Variants in PCDH7 observed in about 807,000 individuals in gnomAD.
PCDH7 encodes the protein protocadherin 7.
Under a neutral mutation model 58.9 loss-of-function variants are expected in PCDH7, and 17 were observed. That is an observed-to-expected ratio of 0.29 (90% CI 0.20 to 0.43). The LOEUF (loss-of-function observed/expected upper bound fraction) is 0.43, where lower values mean the gene tolerates loss of function less well. Among genes scored for constraint, PCDH7 ranks in the 20% least tolerant of loss-of-function variants. The probability of loss-of-function intolerance (pLI) is 1.00; values close to 1 mark genes in which losing one functional copy is unlikely to be tolerated. For synonymous variants in PCDH7, 664 were observed against 616.4 expected, an observed-to-expected ratio of 1.08 and a Z score of -1.14; for missense variants, 1,274 against 1,441.0, an observed-to-expected ratio of 0.88 and a Z score of 1.88.
chr4:30,723,090 G>C lies in PCDH7; in HGVS notation c.1668G>C (p.Thr556=), dbSNP rs1713967431. The change falls in exon 1 of 2, where the codon ACG becomes ACC. Residue 556 remains threonine (T), a synonymous_variant. Coordinates refer to ENST00000361762, the Ensembl canonical transcript of PCDH7. This position sits in a 1 kb window ranked among gnomAD's most constrained non-coding sequence, Gnocchi z 4.6. ...ACATCCCGGGCGAGAGGGTGGCCAC[G>C]GTGCTGGCGACAGACGCAGACAGCG... 1 of 1,613,916 alleles carries C rather than the reference G, an allele frequency of 6.2e-7. No individual in the cohort carries two copies. Among genetic ancestry groups the C allele is most frequent in the South Asian group, 1.1e-5 (1 of 91,088 alleles).
intron 3 of PCDH7, among the ~76,000 whole-genome samples, chr4:31,069,868 C>CCTTTGATGG (rs879870496): frequency 6.6e-6 from 1 of 151,228 alleles, no homozygotes; most frequent in Admixed American, 6.6e-5. Flanking sequence ...CTCAAATTTT[C>CCTTTGATGG]TCCACTTGAT....
At position 31,068,816 on chromosome 4, in the gene PCDH7, A is replaced by G. The variant is rs142468185; in HGVS notation, c.*8-73657A>G. Among the ~76,000 whole-genome samples the G allele has an allele frequency of 2.6e-3, 402 of 152,032 alleles. 2 individuals carry two copies. Among genetic ancestry groups the G allele is most frequent in the Middle Eastern group, 3.4e-3 (1 of 294 alleles). On this transcript the variant is annotated intron_variant, in intron 3 of 3. Transcript: ENST00000509759. The stretch of plus-strand genomic sequence containing the variant: ...TAGCTTCTGAATTTTTGTTCCAGGG[A>G]TAGATTATAAATAGGATGAACAGTG...
exon 2 of PCDH7, chr4:30,730,872 C>T (rs1446372817): frequency 1.1e-5 from 16 of 1,474,252 alleles, no homozygotes; most frequent in African/African-American, 1.0e-4. Context: ...TGCCCTTGGC[C>T]GTGGGGTGTC....
intron 3 of PCDH7, among the ~76,000 whole-genome samples, chr4:31,075,067 T>C (rs1758873371): frequency 6.6e-6 from 1 of 152,046 alleles, no homozygotes; most frequent in Admixed American, 6.6e-5. Context: ...GACCTCACCC[T>C]TTTTTTACAA....
chr4:31,061,575 T>C (rs1757695724), intron 3 of PCDH7, among the ~76,000 whole-genome samples: 1 of 151,690 alleles, frequency 6.6e-6, no homozygotes, highest in Non-Finnish European at 1.5e-5. Flanking sequence ...TGCACTTAAA[T>C]TGATTTCTGT....
chr4:30,986,370 T>C (rs1225302793), intron 3 of PCDH7, among the ~76,000 whole-genome samples: 1 of 152,172 alleles, frequency 6.6e-6, no homozygotes, highest in Non-Finnish European at 1.5e-5. Flanking sequence ...CCCATGAAGA[T>C]GGTTTGTAGC....
Position 30,722,598 on chromosome 4 carries a change from G to T in PCDH7, c.1176G>T (p.Gln392His). The T allele has an allele frequency of 6.2e-7, 1 of 1,613,136 alleles. No individual in the cohort carries two copies. Among genetic ancestry groups the T allele is most frequent in the East Asian group, 2.2e-5 (1 of 44,852 alleles). Residue 392 changes from glutamine to histidine, a missense_variant, in exon 1 of 2, where the codon CAG becomes CAT. Physicochemically the swap from Gln to His is conservative, Grantham distance 24. This residue lies in a region of PCDH7 where 731 missense variants were observed against 881.9 expected (regional missense o/e 0.83). Coordinates refer to ENST00000361762, the Ensembl canonical transcript of PCDH7. The surrounding 1 kb of genome is among the most constrained non-coding windows in gnomAD (Gnocchi z 7.6). ...CGGTCATGGCCCGCGACCGCGGGCA[G>T]CCCCCCAAGACCGACAAGGCCACCG...
chr4:30,918,987 G>A (rs1264547602), intron 1 of PCDH7, among the ~76,000 whole-genome samples: 4 of 152,070 alleles, frequency 2.6e-5, no homozygotes, highest in Non-Finnish European at 4.4e-5. Flanking sequence ...GGTCCAGGTC[G>A]TAATTAGTAA....
intron 3 of PCDH7, among the ~76,000 whole-genome samples, chr4:31,104,145 G>T (rs972749925): frequency 1.3e-5 from 2 of 152,182 alleles, no homozygotes; most frequent in Non-Finnish European, 2.9e-5. Flanking sequence ...TGCAGTTAAA[G>T]TTTCTCAATA....
chr4:30,968,399 TATATATATATATATATGG>T lies in PCDH7; in HGVS notation c.*7+18185_*7+18202del, dbSNP rs1466585727. 8.2e-4 allele frequency among the ~76,000 whole-genome samples: 45 copies of T among 54,598 alleles called. 2 individuals carry two copies. Among genetic ancestry groups the T allele is most frequent in the African/African-American group, 3.6e-3 (32 of 8,786 alleles). 35.8% of individuals were successfully genotyped at this position (54,598 alleles called of 152,430 possible). On this transcript the variant is annotated intron_variant, in intron 3 of 3. Transcript: ENST00000509759. ...CACTATATATATATATATATATATA[TATATATATATATATATGG>T]GATATTATGTCAGAATTAAAAAACA...
intron 1 of PCDH7, among the ~76,000 whole-genome samples, chr4:30,853,169 T>C (rs1732998063): frequency 1.3e-5 from 2 of 152,036 alleles, no homozygotes; most frequent in African/African-American, 4.8e-5. Context: ...AACTAGGCCT[T>C]TGGAGTCAGA....
At chr4:30,905,554 G>A (rs1419666519) in intron 1 of PCDH7, among the ~76,000 whole-genome samples, 1 of 152,126 alleles carries the variant, frequency 6.6e-6, no homozygotes, top group African/African-American at 2.4e-5. Flanking sequence ...TTGCCCAACT[G>A]GGTTTAATGC....
chr4:30,955,314 A>T (rs974320655), intron 3 of PCDH7, among the ~76,000 whole-genome samples: 2 of 151,934 alleles, frequency 1.3e-5, no homozygotes, highest in African/African-American at 2.4e-5. Flanking sequence ...TTGAAAGCCA[A>T]TTGGATAACA....
At chr4:30,869,482 G>A (rs1560451952) in intron 1 of PCDH7, among the ~76,000 whole-genome samples, 1 of 152,008 alleles carries the variant, frequency 6.6e-6, no homozygotes, top group Non-Finnish European at 1.5e-5. Flanking sequence ...ACCTCCCTGT[G>A]TCCATGTGTT....
At chr4:30,837,456 T>G in intron 1 of PCDH7, among the ~76,000 whole-genome samples, 1 of 147,432 alleles carries the variant, frequency 6.8e-6, no homozygotes, top group East Asian at 2.0e-4. Context: ...TCTAGGAGAG[T>G]GTTGTGTCAT....
intron 1 of PCDH7, among the ~76,000 whole-genome samples, chr4:30,825,982 C>T (rs1194766690): frequency 2.6e-5 from 4 of 152,004 alleles, no homozygotes; most frequent in Non-Finnish European, 5.9e-5. Context: ...TCTCGCCTTC[C>T]CTCTCTGTCC....
intron 3 of PCDH7, among the ~76,000 whole-genome samples, chr4:31,081,416 C>A (rs1361177775): frequency 2.0e-5 from 3 of 152,100 alleles, no homozygotes; most frequent in Non-Finnish European, 4.4e-5. Flanking sequence ...ACATTTTGAT[C>A]ATTCTTATAT....
At chr4:30,769,833 T>C (rs1333869526) in intron 1 of PCDH7, among the ~76,000 whole-genome samples, 1 of 152,230 alleles carries the variant, frequency 6.6e-6, no homozygotes, top group Admixed American at 6.5e-5. Flanking sequence ...AGCTTTATTA[T>C]TAATATTCAG....
intron 1 of PCDH7, among the ~76,000 whole-genome samples, chr4:30,889,085 G>A (rs11725605): frequency 6.8e-6 from 1 of 146,498 alleles, no homozygotes; most frequent in African/African-American, 2.5e-5. Flanking sequence ...AGAGGCTGAG[G>A]TGGGTGGATT....
Sources: gnomAD v4.1 joint callset for allele counts (sites outside exome capture counted in the v4.1 genomes callset) on GRCh38, gnomAD v4.1.1 for gene constraint, gnomAD v4.1.1 regional missense constraint, Gnocchi (gnomAD v3.1) non-coding constraint, MANE v1.5 for transcripts, NCBI Gene and HGNC (gene_info 2026-07-23, HGNC 2026-07-21) for gene names.